The following MBOAT2 variants were observed in gnomAD, a reference collection of about 807,000 sequenced individuals.
MBOAT2 encodes membrane-bound glycerophospholipid O-acyltransferase 2.
Under a neutral mutation model 63.4 loss-of-function variants are expected in MBOAT2, and 28 were observed. That is an observed-to-expected ratio of 0.44 (90% confidence interval 0.33 to 0.61). The LOEUF is 0.61. MBOAT2 is among the 20% of genes least tolerant of loss of function. MBOAT2 has a pLI of 0.03. For synonymous variants in MBOAT2, 211 were observed against 215.6 expected (o/e 0.98, Z 0.19); for missense variants, 470 against 605.8 (o/e 0.78, Z 2.35).
intron 3 of MBOAT2, among the ~76,000 whole-genome samples, chr2:8,913,957 T>G (rs926588210): frequency 4.3e-4 from 65 of 152,252 alleles, no homozygotes; most frequent in African/African-American, 1.5e-3. Context: ...ATAAAGAAAC[T>G]GCGGTATATA....
intron 9 of MBOAT2, among the ~76,000 whole-genome samples, chr2:8,868,052 C>T (rs1448585409): frequency 6.6e-6 from 1 of 152,194 alleles, no homozygotes; most frequent in East Asian, 1.9e-4. Flanking sequence ...GCTCCCTCTA[C>T]TTGGAGTGTC....
intron 12 of MBOAT2, among the ~76,000 whole-genome samples, chr2:8,860,114 G>A (rs1661390658): frequency 6.6e-6 from 1 of 152,038 alleles, no homozygotes; most frequent in South Asian, 2.1e-4. Context: ...TTGAACCTGG[G>A]AGGCAGAGGT....
intron 1 of MBOAT2, among the ~76,000 whole-genome samples, chr2:8,984,305 G>A (rs1671403464): frequency 6.6e-6 from 1 of 152,106 alleles, no homozygotes; most frequent in Admixed American, 6.6e-5. Context: ...AAAAAGTTCT[G>A]GGGATCTACT....
chr2:8,875,122 C>G (rs185416479), intron 7 of MBOAT2, among the ~76,000 whole-genome samples: 1 of 152,188 alleles, frequency 6.6e-6, no homozygotes, highest in Admixed American at 6.5e-5. Flanking sequence ...AGGTCCCCAA[C>G]AGAAGAGCCA....
chr2:8,904,126 G>A (rs927825733), intron 4 of MBOAT2, among the ~76,000 whole-genome samples: 7 of 151,754 alleles, frequency 4.6e-5, no homozygotes, highest in African/African-American at 9.7e-5. Context: ...ACAGTTGTGC[G>A]CCACCACGTG....
intron 3 of MBOAT2, among the ~76,000 whole-genome samples, chr2:8,916,382 C>T (rs1489449132): frequency 5.9e-5 from 9 of 152,142 alleles, no homozygotes; most frequent in Admixed American, 2.0e-4. Context: ...AGTTCTAGAA[C>T]GGAACATTTT....
intron 10 of MBOAT2, among the ~76,000 whole-genome samples, chr2:8,863,294 G>A (rs1174094343): frequency 6.6e-6 from 1 of 152,172 alleles, no homozygotes; most frequent in Non-Finnish European, 1.5e-5. Flanking sequence ...GCGTATGCTA[G>A]CCATCTCAAG....
chr2:9,003,650 C>T lies in MBOAT2; in HGVS notation c.-36G>A. On this transcript the variant is annotated 5_prime_UTR_variant, in exon 1 of 13. Coordinates refer to ENST00000305997, the MANE Select transcript of MBOAT2 (RefSeq NM_138799.4). The surrounding 1 kb of genome is among the most constrained non-coding windows in gnomAD (Gnocchi z 5.4). Reference sequence around the variant, plus strand: ...CGGCGCTCCGGCCGCCCGCGCCGCTCGCCCGCTCGCGCTGTGCCGGGCGAC... The same window carrying T: ...CGGCGCTCCGGCCGCCCGCGCCGCTTGCCCGCTCGCGCTGTGCCGGGCGAC... 2.7e-6 allele frequency: 3 copies of T among 1,128,268 alleles called. No individual in the cohort carries two copies. Among genetic ancestry groups the T allele is most frequent in the Non-Finnish European group, 2.2e-6 (2 of 922,076 alleles). The allele number at this position is 1,128,268 out of a possible 1,614,324, so 69.9% of individuals were successfully genotyped here. A position where few individuals can be genotyped will look rare whatever the true frequency, so the allele number is the denominator to read the frequency against.
intron 1 of MBOAT2, among the ~76,000 whole-genome samples, chr2:8,993,036 TA>T (rs1672025155): frequency 6.6e-6 from 1 of 152,224 alleles, no homozygotes; most frequent in Non-Finnish European, 1.5e-5. Flanking sequence ...AAAGGGACAC[TA>T]AAAGTGGCAG....
intron 3 of MBOAT2, among the ~76,000 whole-genome samples, chr2:8,941,058 T>C (rs1039620225): frequency 1.3e-5 from 2 of 149,150 alleles, no homozygotes; most frequent in Non-Finnish European, 3.0e-5. Flanking sequence ...TATAAAGGCC[T>C]AAGCAGAAAA....
At chr2:8,968,942 G>A (rs1670230182) in intron 1 of MBOAT2, among the ~76,000 whole-genome samples, 1 of 152,140 alleles carries the variant, frequency 6.6e-6, no homozygotes, top group Non-Finnish European at 1.5e-5. Context: ...GGAACCAAGT[G>A]GAAAAACACT....
At chr2:8,922,018 G>T (rs1469431482) in intron 3 of MBOAT2, among the ~76,000 whole-genome samples, 2 of 152,008 alleles carry the variant, frequency 1.3e-5, no homozygotes, top group Non-Finnish European at 2.9e-5. Context: ...GTTGATGCAT[G>T]GGATATTATC....
intron 1 of MBOAT2, among the ~76,000 whole-genome samples, chr2:8,984,408 C>T (rs1394336152): frequency 6.6e-6 from 1 of 152,168 alleles, no homozygotes; most frequent in Non-Finnish European, 1.5e-5. Context: ...CACATACATA[C>T]ATACGTTTGT....
intron 6 of MBOAT2, among the ~76,000 whole-genome samples, chr2:8,878,847 C>T (rs544733154): frequency 3.9e-5 from 6 of 152,134 alleles, no homozygotes; most frequent in East Asian, 1.9e-4. Flanking sequence ...GAGGCCGAGG[C>T]GGGCGGATCA....
chr2:8,899,545 C>A (rs1002768856), intron 4 of MBOAT2, among the ~76,000 whole-genome samples: 2 of 152,212 alleles, frequency 1.3e-5, no homozygotes, highest in Admixed American at 6.5e-5. Context: ...GCCCTGGGCA[C>A]CCTCAGTCCT....
intron 1 of MBOAT2, among the ~76,000 whole-genome samples, chr2:8,959,464 CTT>C (rs560059713): frequency 3.4e-4 from 47 of 139,130 alleles, no homozygotes; most frequent in Non-Finnish European, 3.0e-4. Context: ...TCCTTTTTTT[CTT>C]TTTTTTTTTT....
Position 8,952,678 on chromosome 2 carries a change from C to T in MBOAT2, c.221+5819G>A, listed in dbSNP as rs1668921385. Among the ~76,000 whole-genome samples the T allele has an allele frequency of 2.6e-5, 4 of 151,218 alleles. No homozygotes were observed. In the South Asian group the frequency reaches 8.3e-4, roughly 32 times the overall value. Reference sequence around the variant, plus strand: ...GAGGGAGGATTTTATGTAATTTTATCCAGGTAGAATTGTATGTAATTTTAT... The same window carrying T: ...GAGGGAGGATTTTATGTAATTTTATTCAGGTAGAATTGTATGTAATTTTAT... On this transcript the variant is annotated intron_variant, in intron 2 of 12. Coordinates refer to ENST00000305997, the MANE Select transcript of MBOAT2 (RefSeq NM_138799.4).
chr2:8,868,457 G>T lies in MBOAT2; in HGVS notation c.976C>A (p.Gln326Lys). The change falls in exon 9 of 13, where the codon CAA becomes AAA. Residue 326 changes from glutamine (Q) to lysine (K), a missense_variant. This residue lies in a region of MBOAT2 where 376 missense variants were observed against 503.8 expected (regional missense o/e 0.75). Transcript: ENST00000305997. Reference protein sequence around the residue: ...RWDLISNLRIQQIEMSTSFKM... With the variant: ...RWDLISNLRIKQIEMSTSFKM... ...AAAGATTGACTCACCTCTATTTGTTGAATTCTCAAATTGGAAATTAAGTCC... is the reference window on the plus strand; with the variant it reads ...AAAGATTGACTCACCTCTATTTGTTTAATTCTCAAATTGGAAATTAAGTCC... 1 of 1,613,466 alleles carries T rather than the reference G, an allele frequency of 6.2e-7. No homozygotes were observed. Among genetic ancestry groups the T allele is most frequent in the South Asian group, 1.1e-5 (1 of 90,930 alleles).
At chr2:8,951,241 G>C (rs946566726) in intron 2 of MBOAT2, among the ~76,000 whole-genome samples, 2 of 148,122 alleles carry the variant, frequency 1.4e-5, no homozygotes, top group Non-Finnish European at 3.0e-5. Context: ...GTCTCACTCT[G>C]TCAGCCAGGC....
Sources: gnomAD v4.1 joint callset for allele counts (sites outside exome capture counted in the v4.1 genomes callset) on GRCh38, gnomAD v4.1.1 for gene constraint, gnomAD v4.1.1 regional missense constraint, Gnocchi (gnomAD v3.1) non-coding constraint, MANE v1.5 for transcripts, NCBI Gene and HGNC (gene_info 2026-07-23, HGNC 2026-07-21) for gene names.